CLEC12A: variants seen among roughly 807,000 people sequenced by gnomAD.
The protein encoded by CLEC12A is C-type lectin domain family 12 member A.
A neutral mutation model predicts 26.5 loss-of-function variants in CLEC12A; 22 were observed. The observed-to-expected ratio is 0.83, with a 90% CI of 0.59 to 1.19. The LOEUF (loss-of-function observed/expected upper bound fraction) is 1.19. Ranked by LOEUF, CLEC12A falls within the 50% of genes most tolerant of loss-of-function variation. The pLI, the probability that CLEC12A is intolerant of heterozygous loss-of-function variation, is 0.00. For missense variants in CLEC12A, 353 were observed against 315.6 expected, an observed-to-expected ratio of 1.12 and a Z score of -0.90; for synonymous variants, 119 against 101.9, an observed-to-expected ratio of 1.17 and a Z score of -1.01.
chr12:9,984,774 G>T (rs1424347353), intron 5 of CLEC12A, 96 bp from the exon 6 acceptor site: 3 of 1,136,122 alleles, frequency 2.6e-6, no homozygotes, highest in Non-Finnish European at 3.5e-6. Context: ...ACAGAGTCTA[G>T]GGCAATAATA....
Position 9,985,221 on chromosome 12 carries a change from C to T in CLEC12A, c.*195C>T, listed in dbSNP as rs1591839704. 1 of 497,968 alleles carries T rather than the reference C, an allele frequency of 2.0e-6. No homozygotes were observed. Among genetic ancestry groups the T allele is most frequent in the East Asian group, 3.5e-5 (1 of 28,544 alleles). 30.8% of individuals were successfully genotyped at this position (497,968 alleles called of 1,614,324 possible). A position where few individuals can be genotyped will look rare whatever the true frequency, so the allele number is the denominator to read the frequency against. The stretch of plus-strand genomic sequence containing the variant: ...TTAATGCCAGAGAGGTATAATGAAG[C>T]ATGTCCCACCTCCCACTTTCCATCA... On this transcript the variant is annotated 3_prime_UTR_variant, in exon 6 of 6. Coordinates refer to ENST00000304361, the MANE Select transcript of CLEC12A (RefSeq NM_138337.6).
intron 1 of CLEC12A, among the ~76,000 whole-genome samples, chr12:9,964,806 T>A (rs1372095431): frequency 6.6e-6 from 1 of 152,130 alleles, no homozygotes; most frequent in Non-Finnish European, 1.5e-5. Flanking sequence ...TTAGGCCTGG[T>A]GGAACTACTA....
chr12:9,968,326 G>C (rs370489897), upstream of CLEC12A, among the ~76,000 whole-genome samples: 1 of 152,174 alleles, frequency 6.6e-6, no homozygotes, highest in Non-Finnish European at 1.5e-5. Context: ...CAACAAGGCT[G>C]TTTATTTCAC....
downstream of CLEC12A, chr12:9,999,105 TC>T: frequency 6.2e-7 from 1 of 1,601,408 alleles, no homozygotes; most frequent in Non-Finnish European, 8.5e-7. Flanking sequence ...CTGCATGGCT[TC>T]CCGAGTACTG....
chr12:9,963,674 G>C (rs1863877494), intron 1 of CLEC12A, among the ~76,000 whole-genome samples: 1 of 152,194 alleles, frequency 6.6e-6, no homozygotes, highest in South Asian at 2.1e-4. Context: ...AAACTAGTGT[G>C]CATGTACCTG....
chr12:9,960,007 A>T (rs1398099491), intron 1 of CLEC12A, among the ~76,000 whole-genome samples: 2 of 152,214 alleles, frequency 1.3e-5, no homozygotes, highest in Non-Finnish European at 2.9e-5. Flanking sequence ...GTTTGAAACC[A>T]GGGAATCGAA....
downstream of CLEC12A, among the ~76,000 whole-genome samples, chr12:9,990,349 A>G (rs1268434109): frequency 2.0e-5 from 3 of 152,232 alleles, no homozygotes. Flanking sequence ...TCATGGAAGG[A>G]AGACAAAGTG....
chr12:9,988,336 A>G (rs1276253326), downstream of CLEC12A, among the ~76,000 whole-genome samples: 1 of 152,196 alleles, frequency 6.6e-6, no homozygotes, highest in Non-Finnish European at 1.5e-5. Flanking sequence ...ACCAAAAGCA[A>G]TGGCATCAAA....
chr12:9,983,564 A>G (rs1300232361), intron 5 of CLEC12A: 2 of 693,986 alleles, frequency 2.9e-6, no homozygotes, highest in Non-Finnish European at 5.2e-6. Flanking sequence ...CAGAGTCTCA[A>G]CCTGCTGGAC....
chr12:9,979,565 AC>A, intron 3 of CLEC12A, 41 bp downstream of exon 3: 2 of 1,435,614 alleles, frequency 1.4e-6, no homozygotes, highest in Non-Finnish European at 1.9e-6. Flanking sequence ...TGGACAATAA[AC>A]TAAACCACTG....
exon 5 of CLEC12A, chr12:9,995,216 G>A (rs1237872141): frequency 6.2e-7 from 1 of 1,612,912 alleles, no homozygotes; most frequent in Non-Finnish European, 8.5e-7. Flanking sequence ...CCGACCCAAC[G>A]AATTAAATGA....
At chr12:9,983,104 T>C (rs1864627575) in intron 5 of CLEC12A, among the ~76,000 whole-genome samples, 1 of 152,186 alleles carries the variant, frequency 6.6e-6, no homozygotes, top group African/African-American at 2.4e-5. Flanking sequence ...TAAATAGTTC[T>C]ACAACAAACA....
the CLEC12A span, among the ~76,000 whole-genome samples, chr12:10,001,110 T>A: frequency 1.3e-5 from 2 of 152,210 alleles, no homozygotes; most frequent in African/African-American, 4.8e-5. Flanking sequence ...ATTGAGACAA[T>A]TTTTAAATTA....
At chr12:9,994,045 A>G (rs1864967264) in intron 4 of CLEC12A, among the ~76,000 whole-genome samples, 1 of 152,152 alleles carries the variant, frequency 6.6e-6, no homozygotes, top group African/African-American at 2.4e-5. Context: ...TAAGAGTTAC[A>G]AAGAAACAAA....
In CLEC12A at chr12:9,957,420, A is replaced by G. The variant is rs570607103; in HGVS notation, c.10+6064A>G. Among the ~76,000 whole-genome samples, 3 of 151,704 alleles carry G rather than the reference A, an allele frequency of 2.0e-5. No individual in the cohort carries two copies. In the South Asian group the frequency reaches 6.3e-4, roughly 32 times the overall value. ...GGAGAATCACTTGAACTCGGGAGACAGAGGTTGCAGTGAGCCAAAATCGTG... is the reference window on the plus strand; with the variant it reads ...GGAGAATCACTTGAACTCGGGAGACGGAGGTTGCAGTGAGCCAAAATCGTG... On this transcript the variant is annotated intron_variant, in intron 1 of 6. Transcript: ENST00000355690.
chr12:9,962,253 CTTT>C (rs71049021), intron 1 of CLEC12A, among the ~76,000 whole-genome samples: 11 of 119,240 alleles, frequency 9.2e-5, no homozygotes, highest in African/African-American at 9.3e-5. Flanking sequence ...CCGGTTTTTT[CTTT>C]TTTTTTTTTT....
the CLEC12A span, among the ~76,000 whole-genome samples, chr12:10,000,735 C>T: frequency 6.6e-6 from 1 of 152,172 alleles, no homozygotes; most frequent in African/African-American, 2.4e-5. Context: ...CATCATTTAT[C>T]CTCAGGCTTT....
chr12:9,954,403 G>A (rs893292175), intron 1 of CLEC12A, among the ~76,000 whole-genome samples: 1 of 151,986 alleles, frequency 6.6e-6, no homozygotes, highest in African/African-American at 2.4e-5. Flanking sequence ...GCTGAGGTGG[G>A]AGGATTACCT....
chr12:9,995,112 C>T (rs754274700), exon 5 of CLEC12A: 1 of 1,608,682 alleles, frequency 6.2e-7, no homozygotes, highest in Admixed American at 1.7e-5. Flanking sequence ...CCAGTACTCC[C>T]TCCTATTCTA....
Sources: allele counts gnomAD v4.1 joint callset (sites outside exome capture counted in the v4.1 genomes callset), GRCh38; gene constraint gnomAD v4.1.1; transcripts MANE v1.5; gene names NCBI Gene and HGNC (gene_info 2026-07-23, HGNC 2026-07-21).